Variants in ICA1 observed in about 807,000 individuals in gnomAD.
ICA1 encodes 69 kDa islet cell autoantigen.
A neutral mutation model predicts 71.0 loss-of-function variants in ICA1; 40 were observed. The ratio of observed to expected loss-of-function variants is 0.56; its 90% CI spans 0.44 to 0.73. The LOEUF (loss-of-function observed/expected upper bound fraction) is 0.73. ICA1 is among the 30% of genes least tolerant of loss of function. The probability of loss-of-function intolerance (pLI) is 0.00; values close to 1 mark genes in which losing one functional copy is unlikely to be tolerated. For missense variants in ICA1, 578 were observed against 576.5 expected (o/e 1.00, Z -0.03); for synonymous variants, 207 against 209.5 (o/e 0.99, Z 0.10).
intron 12 of ICA1, among the ~76,000 whole-genome samples, chr7:8,134,382 C>T (rs1309140663): frequency 1.3e-5 from 2 of 152,156 alleles, no homozygotes; most frequent in Non-Finnish European, 2.9e-5. Context: ...TGAACTCATA[C>T]TGAGTTTCAT....
intron 6 of ICA1, among the ~76,000 whole-genome samples, chr7:8,215,054 T>C (rs1794983942): frequency 6.6e-6 from 1 of 152,106 alleles, no homozygotes; most frequent in African/African-American, 2.4e-5. Flanking sequence ...CTCCCAGTAG[T>C]TCTCCCAGCC....
At chr7:8,243,281 T>A (rs1804679167) in intron 1 of ICA1, among the ~76,000 whole-genome samples, 1 of 152,196 alleles carries the variant, frequency 6.6e-6, no homozygotes, top group Non-Finnish European at 1.5e-5. Flanking sequence ...TCAATACACG[T>A]AATCCATCAC....
chr7:8,139,347 A>C (rs1209632088), intron 10 of ICA1, among the ~76,000 whole-genome samples: 1 of 152,246 alleles, frequency 6.6e-6, no homozygotes, highest in African/African-American at 2.4e-5. Flanking sequence ...TTACTTGATG[A>C]TGCTGATGAA....
In ICA1 at chr7:8,232,751, A is replaced by G; in HGVS notation, c.22T>C (p.Tyr8His). ...TATCGATCCTGTAAGTCCCAGGGATAACTGCTAAAAACATTTAAAGAACTA... is the reference window on the plus strand; with the variant it reads ...TATCGATCCTGTAAGTCCCAGGGATGACTGCTAAAAACATTTAAAGAACTA... MSGHKCS[Y>H]PWDLQDRYAQ... is the part of the protein sequence containing the mutation. Residue 8 changes from tyrosine to histidine, a missense_variant, in exon 3 of 14, where the codon TAT becomes CAT. Tyr to His is a moderately conservative substitution (Grantham distance 83, BLOSUM62 2). Coordinates refer to ENST00000402384, the MANE Select transcript of ICA1 (RefSeq NM_001136020.3). 6.3e-7 allele frequency: 1 copy of G among 1,583,262 alleles called. No homozygotes were observed.
chr7:8,236,622 T>G (rs745402406), intron 1 of ICA1, among the ~76,000 whole-genome samples: 2 of 151,906 alleles, frequency 1.3e-5, no homozygotes, highest in South Asian at 2.1e-4. Context: ...CAAAAAAGGG[T>G]TGATATGCTT....
At chr7:8,166,353 A>G (rs963090995) in intron 6 of ICA1, among the ~76,000 whole-genome samples, 5 of 152,198 alleles carry the variant, frequency 3.3e-5, no homozygotes, top group Admixed American at 2.6e-4. Flanking sequence ...ACCTACAACC[A>G]TGTGATCTTC....
chr7:8,145,500 T>C (rs1291099706), intron 8 of ICA1, among the ~76,000 whole-genome samples: 1 of 152,200 alleles, frequency 6.6e-6, no homozygotes, highest in Non-Finnish European at 1.5e-5. Context: ...TCACTAAGCA[T>C]GCCAAATTCA....
At chr7:8,136,184 G>A (rs374984896) in intron 12 of ICA1, among the ~76,000 whole-genome samples, 3 of 152,094 alleles carry the variant, frequency 2.0e-5, no homozygotes, top group African/African-American at 2.4e-5. Flanking sequence ...TTTGAGAATC[G>A]TTGCTGTTGT....
intron 12 of ICA1, among the ~76,000 whole-genome samples, chr7:8,136,863 T>C (rs567948664): frequency 6.6e-6 from 1 of 152,298 alleles, no homozygotes; most frequent in South Asian, 2.1e-4. Flanking sequence ...TTGTTTTAAA[T>C]AAGCAGACAA....
intron 8 of ICA1, 100 bp downstream of exon 8, chr7:8,157,016 G>A (rs1236110067): frequency 6.2e-7 from 1 of 1,605,132 alleles, no homozygotes; most frequent in Non-Finnish European, 8.5e-7. Flanking sequence ...AGCATTCTGA[G>A]TCCTGGAATA....
At position 8,214,144 on chromosome 7, in the gene ICA1, T is replaced by G. The variant is rs149296871; in HGVS notation, c.579+4161A>C. On this transcript the variant is annotated intron_variant, in intron 6 of 13. Coordinates refer to ENST00000402384, the MANE Select transcript of ICA1 (RefSeq NM_001136020.3). ...TCTCTTTAGAGGATTCAGGACTATTTTCTTACACCTAACACAGCTTTTATC... is the reference window on the plus strand; with the variant it reads ...TCTCTTTAGAGGATTCAGGACTATTGTCTTACACCTAACACAGCTTTTATC... Among the ~76,000 whole-genome samples, 4 of 152,300 alleles carry G rather than the reference T, an allele frequency of 2.6e-5. No individual in the cohort carries two copies. The East Asian group carries it at 5.8e-4, about 22-fold the overall frequency.
At chr7:8,165,656 A>AT (rs754607200) in intron 6 of ICA1, among the ~76,000 whole-genome samples, 4 of 151,546 alleles carry the variant, frequency 2.6e-5, no homozygotes, top group Non-Finnish European at 5.9e-5. Context: ...TCTTGATCTG[A>AT]TAAACAACTT....
intron 1 of ICA1, among the ~76,000 whole-genome samples, chr7:8,237,807 A>G (rs1238957844): frequency 4.8e-5 from 7 of 145,026 alleles, no homozygotes; most frequent in Non-Finnish European, 1.0e-4. Flanking sequence ...TGTATATGCA[A>G]TGTTGAAGAC....
intron 1 of ICA1, among the ~76,000 whole-genome samples, chr7:8,251,861 C>A (rs1488932587): frequency 6.6e-6 from 1 of 152,150 alleles, no homozygotes; most frequent in East Asian, 1.9e-4. Context: ...CCAGAAAACT[C>A]AAACTGCTCA....
intron 1 of ICA1, among the ~76,000 whole-genome samples, chr7:8,257,894 G>A (rs1018065805): frequency 1.3e-5 from 2 of 152,106 alleles, no homozygotes; most frequent in African/African-American, 2.4e-5. Context: ...CTCCAGACAC[G>A]AGGACTATTT....
intron 13 of ICA1, among the ~76,000 whole-genome samples, chr7:8,122,468 C>T (rs1477073989): frequency 6.6e-6 from 1 of 152,254 alleles, no homozygotes; most frequent in Non-Finnish European, 1.5e-5. Flanking sequence ...CTAAATTCTG[C>T]AGAGCTCCAA....
chr7:8,180,728 T>G (rs1301398709), intron 6 of ICA1, among the ~76,000 whole-genome samples: 1 of 152,150 alleles, frequency 6.6e-6, no homozygotes, highest in Non-Finnish European at 1.5e-5. Context: ...TGTAAGTACC[T>G]CTACAGGTGT....
At chr7:8,148,016 G>T (rs62435418) in intron 8 of ICA1, among the ~76,000 whole-genome samples, 3 of 152,096 alleles carry the variant, frequency 2.0e-5, no homozygotes, top group East Asian at 1.9e-4. Context: ...ATGACCGTGG[G>T]GGTGTGTGTC....
At chr7:8,209,837 C>G (rs540165689) in intron 6 of ICA1, among the ~76,000 whole-genome samples, 1 of 152,078 alleles carries the variant, frequency 6.6e-6, no homozygotes, top group Admixed American at 6.5e-5. Context: ...ACAGAGCCTG[C>G]AAAGGTCAGA....
Sources: allele counts gnomAD v4.1 joint callset (sites outside exome capture counted in the v4.1 genomes callset), GRCh38; gene constraint gnomAD v4.1.1; transcripts MANE v1.5; gene names NCBI Gene and HGNC (gene_info 2026-07-23, HGNC 2026-07-21).